Variants in DNAJC25 observed in about 807,000 individuals in gnomAD.
DNAJC25 encodes dnaJ homolog subfamily C member 25.
DNAJC25 carries 26 observed loss-of-function variants against 42.1 expected under a neutral mutation model. The observed-to-expected ratio is 0.62, with a 90% CI of 0.45 to 0.86. The LOEUF is 0.86. Ranked by LOEUF, DNAJC25 falls within the 40% of genes least tolerant of loss-of-function variation. The probability of loss-of-function intolerance (pLI) is 0.00; values close to 1 mark genes in which losing one functional copy is unlikely to be tolerated. For synonymous variants in DNAJC25, 189 were observed against 179.9 expected (o/e 1.05, Z -0.40); for missense variants, 404 against 459.4 (o/e 0.88, Z 1.10).
intron 3 of DNAJC25, among the ~76,000 whole-genome samples, chr9:111,652,717 AT>A (rs966907925): frequency 7.3e-5 from 11 of 149,666 alleles, no homozygotes; most frequent in Admixed American, 2.0e-4. Context: ...AATTTTTTCT[AT>A]TTTTTTTAGG....
chr9:111,631,585 G>A lies in DNAJC25; in HGVS notation c.178G>A (p.Ala60Thr). 2 of 1,460,900 alleles carry A rather than the reference G, an allele frequency of 1.4e-6. No individual in the cohort carries two copies. Among genetic ancestry groups the A allele is most frequent in the Middle Eastern group, 4.2e-4 (2 of 4,718 alleles). The allele number at this position is 1,460,900 out of a possible 1,614,324, so 90.5% of individuals were successfully genotyped here. The stretch of plus-strand genomic sequence containing the variant: ...CGAGGTGCTGGGCGTGAGCCGCTCG[G>A]CGGGCAAGGCGGAGATCGCGCGGGC... ...CYEVLGVSRS[A>T]GKAEIARAYR... Residue 60 changes from alanine to threonine, a missense_variant, in exon 1 of 4, where the codon GCG (alanine) becomes ACG (threonine). Coordinates refer to ENST00000313525, the MANE Select transcript of DNAJC25 (RefSeq NM_001015882.3).
intron 1 of DNAJC25, among the ~76,000 whole-genome samples, chr9:111,637,934 T>C (rs1830387891): frequency 6.6e-6 from 1 of 152,218 alleles, no homozygotes; most frequent in Non-Finnish European, 1.5e-5. Context: ...GAGTTCTCCT[T>C]TGTGTACTCT....
intron 3 of DNAJC25, among the ~76,000 whole-genome samples, chr9:111,651,263 CAAAA>C (rs10555875): frequency 9.5e-5 from 10 of 104,962 alleles, no homozygotes; most frequent in Admixed American, 2.0e-4. Flanking sequence ...GACTCTATCT[CAAAA>C]AAAAAAAAAA....
At chr9:111,634,860 G>A (rs1217022765) in intron 1 of DNAJC25, among the ~76,000 whole-genome samples, 3 of 151,908 alleles carry the variant, frequency 2.0e-5, no homozygotes, top group Non-Finnish European at 2.9e-5. Context: ...ATGGAGAAAT[G>A]GAGGAAAACC....
In DNAJC25 at chr9:111,644,980, G is replaced by A. The variant is rs919068964; in HGVS notation, c.337-2127G>A. ...GATGATGACTTAAAGAAGGAGTCAC[G>A]GATTGACAGTTGAGGCATATAGCAG... On this transcript the variant is annotated intron_variant, in intron 1 of 3. Transcript: ENST00000313525. Among the ~76,000 whole-genome samples, 5 of 152,150 alleles carry A rather than the reference G, an allele frequency of 3.3e-5. No individual in the cohort carries two copies. In the East Asian group the frequency reaches 5.8e-4, roughly 18 times the overall value.
At position 111,650,822 on chromosome 9, in the gene DNAJC25, C is replaced by T. The variant is rs1233678415; in HGVS notation, c.960+899C>T. 2.0e-5 allele frequency among the ~76,000 whole-genome samples: 3 copies of T among 152,194 alleles called. No homozygotes were observed. The South Asian group carries it at 6.2e-4, about 32-fold the overall frequency. The stretch of plus-strand genomic sequence containing the variant: ...AAACCTGCTTAAGAAGTCTGAGATA[C>T]ATTAGTTTTTTTAGTTTCATAGTCA... On this transcript the variant is annotated intron_variant, in intron 3 of 3. Transcript: ENST00000313525.
At chr9:111,634,744 T>C (rs1830339798) in intron 1 of DNAJC25, among the ~76,000 whole-genome samples, 1 of 150,938 alleles carries the variant, frequency 6.6e-6, no homozygotes, top group African/African-American at 2.4e-5. Flanking sequence ...TTTTAGGTGG[T>C]GGTGGTTAAA....
At chr9:111,646,317 A>AT (rs1213678248) in intron 1 of DNAJC25, among the ~76,000 whole-genome samples, 3 of 152,118 alleles carry the variant, frequency 2.0e-5, no homozygotes, top group Non-Finnish European at 2.9e-5. Flanking sequence ...CAGAGAATAT[A>AT]TTTTTTTAAA....
intron 2 of DNAJC25, among the ~76,000 whole-genome samples, chr9:111,648,119 T>G (rs1184225917): frequency 6.6e-6 from 1 of 152,216 alleles, no homozygotes; most frequent in Non-Finnish European, 1.5e-5. Context: ...ATTTAACTTC[T>G]GCCTGAAATA....
At chr9:111,642,627 A>G (rs1376459503) in intron 1 of DNAJC25, among the ~76,000 whole-genome samples, 2 of 151,570 alleles carry the variant, frequency 1.3e-5, no homozygotes, top group African/African-American at 4.8e-5. Flanking sequence ...ATAAATAAAT[A>G]AATAAATAAA....
intron 2 of DNAJC25, 24 bp downstream of exon 2, chr9:111,647,283 T>C: frequency 1.2e-6 from 2 of 1,613,310 alleles, no homozygotes; most frequent in Non-Finnish European, 1.7e-6. Context: ...GATATTTTTA[T>C]CTACATTTAT....
At chr9:111,641,703 C>T (rs1830472603) in intron 1 of DNAJC25, among the ~76,000 whole-genome samples, 2 of 136,070 alleles carry the variant, frequency 1.5e-5, no homozygotes, top group East Asian at 2.4e-4. Flanking sequence ...CCTGCCCGGC[C>T]AGCCACCCCG....
At chr9:111,642,953 C>T (rs960992685) in intron 1 of DNAJC25, 68 of 470,694 alleles carry the variant, frequency 1.4e-4, no homozygotes, top group Non-Finnish European at 2.6e-4. Context: ...GAGCTTATTG[C>T]CCTGCTTGTC....
intron 2 of DNAJC25, 113 bp downstream of exon 2, chr9:111,647,372 T>C: frequency 7.4e-7 from 1 of 1,353,006 alleles, no homozygotes; most frequent in Non-Finnish European, 1.0e-6. Flanking sequence ...TTACTTCTAG[T>C]TGAGATCTGT....
rs746669881 is a variant in DNAJC25 at position 111,649,432 on chromosome 9, G to A, written c.490-21G>A. ...ATTTGGGTAATGAAAATGACTCATTGTTCTCTGTTAATTATTCTAGTTTTT... is the reference window on the plus strand; with the variant it reads ...ATTTGGGTAATGAAAATGACTCATTATTCTCTGTTAATTATTCTAGTTTTT... On this transcript the variant is annotated intron_variant, in intron 2 of 3. Coordinates refer to ENST00000313525, the MANE Select transcript of DNAJC25 (RefSeq NM_001015882.3). 6 of 1,536,716 alleles carry A rather than the reference G, an allele frequency of 3.9e-6. No homozygotes were observed. The African/African-American group carries it at 5.6e-5, about 14-fold the overall frequency.
At chr9:111,637,190 G>C (rs1472292421) in intron 1 of DNAJC25, among the ~76,000 whole-genome samples, 1 of 152,178 alleles carries the variant, frequency 6.6e-6, no homozygotes, top group Non-Finnish European at 1.5e-5. Flanking sequence ...TAGGGGATCT[G>C]CTATTTCTAG....
At chr9:111,639,811 A>G (rs548349755) in intron 1 of DNAJC25, among the ~76,000 whole-genome samples, 19 of 151,844 alleles carry the variant, frequency 1.3e-4, no homozygotes, top group Admixed American at 3.3e-4. Flanking sequence ...CACCACCCCA[A>G]AGATGGTTTT....
In DNAJC25 at chr9:111,649,896, A is replaced by G; in HGVS notation, c.933A>G (p.Arg311=). ...ATCAGAAAGAAACTTTTCTTAAACG[A>G]GAGCTCTGGATCAAGGAGAATTATG... ...EDHQKETFLK[R]ELWIKENYEV... is the part of the protein sequence containing the mutation. Residue 311 remains arginine (R), a synonymous_variant, in exon 3 of 4, where the codon CGA becomes CGG. Transcript: ENST00000313525. 1.3e-6 allele frequency: 2 copies of G among 1,592,158 alleles called. No homozygotes were observed. Among genetic ancestry groups the G allele is most frequent in the East Asian group, 2.2e-5 (1 of 44,780 alleles).
chr9:111,651,759 G>A (rs1830664211), intron 3 of DNAJC25, among the ~76,000 whole-genome samples: 1 of 151,074 alleles, frequency 6.6e-6, no homozygotes, highest in African/African-American at 2.4e-5. Context: ...GCGTGGTGGT[G>A]CCTGTGGTCC....
Sources: allele counts gnomAD v4.1 joint callset (sites outside exome capture counted in the v4.1 genomes callset), GRCh38; gene constraint gnomAD v4.1.1; transcripts MANE v1.5; gene names NCBI Gene and HGNC (gene_info 2026-07-23, HGNC 2026-07-21).